KLHDC10: variants seen among roughly 807,000 people sequenced by gnomAD.
KLHDC10 encodes kelch domain-containing protein 10.
Under a neutral mutation model 56.1 loss-of-function variants are expected in KLHDC10, and 24 were observed. The ratio of observed to expected loss-of-function variants is 0.43; its 90% CI spans 0.31 to 0.60. The LOEUF is 0.60. Ranked by LOEUF, KLHDC10 falls within the 20% of genes least tolerant of loss-of-function variation. KLHDC10 has a pLI of 0.11. For synonymous variants in KLHDC10, 188 were observed against 207.1 expected, an observed-to-expected ratio of 0.91 and a Z score of 0.79; for missense variants, 349 against 567.0, an observed-to-expected ratio of 0.62 and a Z score of 3.91.
intron 2 of KLHDC10, among the ~76,000 whole-genome samples, chr7:130,113,520 A>G (rs886205820): frequency 6.6e-6 from 1 of 152,006 alleles, no homozygotes; most frequent in African/African-American, 2.4e-5. Flanking sequence ...TTTAGTAGAG[A>G]CGGGGTTTCA....
chr7:130,089,109 T>C (rs1205242111), intron 1 of KLHDC10, among the ~76,000 whole-genome samples: 1 of 152,008 alleles, frequency 6.6e-6, no homozygotes, highest in South Asian at 2.1e-4. Flanking sequence ...AAAAAACCCA[T>C]GTACAGTAAA....
At chr7:130,074,373 C>T (rs1366691461) in intron 1 of KLHDC10, among the ~76,000 whole-genome samples, 1 of 152,112 alleles carries the variant, frequency 6.6e-6, no homozygotes, top group Admixed American at 6.6e-5. Context: ...TCTCCTTGGG[C>T]ATACTTTACC....
chr7:130,079,364 A>AT (rs918055960), intron 1 of KLHDC10, among the ~76,000 whole-genome samples: 15 of 151,850 alleles, frequency 9.9e-5, no homozygotes, highest in Admixed American at 7.9e-4. Flanking sequence ...GGCCTAAAGT[A>AT]TTTTTTTTAA....
At position 130,118,015 on chromosome 7, in the gene KLHDC10, C is replaced by A. The variant is rs192140663; in HGVS notation, c.475+1349C>A. On this transcript the variant is annotated intron_variant, in intron 3 of 9. Transcript: ENST00000335420. ...CCTGTCTCTACAAAAAACACACACA[C>A]AAAAAAAATTAGCTGGGCATGGTGG... Among the ~76,000 whole-genome samples, 163 of 150,948 alleles carry A rather than the reference C, an allele frequency of 1.1e-3. 2 individuals carry two copies. In the East Asian group the frequency reaches 0.014, roughly 13 times the overall value.
At chr7:130,077,377 A>AC (rs1795524606) in intron 1 of KLHDC10, among the ~76,000 whole-genome samples, 2 of 149,146 alleles carry the variant, frequency 1.3e-5, no homozygotes, top group Non-Finnish European at 1.5e-5. Context: ...AAAAAAAAAA[A>AC]AAAAACAGTA....
chr7:130,128,199 T>C (rs1796339070), intron 8 of KLHDC10, among the ~76,000 whole-genome samples: 1 of 152,258 alleles, frequency 6.6e-6, no homozygotes, highest in Non-Finnish European at 1.5e-5. Context: ...ATGACATTGC[T>C]CACATTTCTC....
At chr7:130,113,751 T>C (rs987168635) in intron 2 of KLHDC10, among the ~76,000 whole-genome samples, 1 of 152,230 alleles carries the variant, frequency 6.6e-6, no homozygotes, top group Admixed American at 6.5e-5. Flanking sequence ...AATAAACTTA[T>C]AACATTACTT....
At chr7:130,090,326 C>CA (rs1264039728) in intron 1 of KLHDC10, among the ~76,000 whole-genome samples, 1 of 151,998 alleles carries the variant, frequency 6.6e-6, no homozygotes, top group Non-Finnish European at 1.5e-5. Context: ...CAGTGGCTCA[C>CA]ACCTGTGATC....
rs1563107674 is a variant in KLHDC10, at chr7:130,128,892, ATATATAT to A, written c.980-544_980-538del. On this transcript the variant is annotated intron_variant, in intron 8 of 9. Coordinates refer to ENST00000335420, the MANE Select transcript of KLHDC10 (RefSeq NM_014997.4). ...TTGTCTCTTAAAAAAAAAAAAAAATATATATATATATATATATATATATATATACATA... is the reference window on the plus strand; with the variant it reads ...TTGTCTCTTAAAAAAAAAAAAAAATAATATATATATATATATATATACATA... Among the ~76,000 whole-genome samples the A allele has an allele frequency of 2.4e-4, 14 of 58,924 alleles. 1 individual carries two copies. The highest frequency in any genetic ancestry group is 4.6e-4 in the East Asian group (1 of 2,158). The allele number at this position is 58,924 out of a possible 152,430, so 38.7% of individuals were successfully genotyped here. A position where few individuals can be genotyped will look rare whatever the true frequency, so the allele number is the denominator to read the frequency against.
intron 3 of KLHDC10, among the ~76,000 whole-genome samples, chr7:130,118,641 CTTCCTCACTAAGCT>C (rs1796204404): frequency 6.6e-6 from 1 of 152,196 alleles, no homozygotes; most frequent in Non-Finnish European, 1.5e-5. Flanking sequence ...TTCCACATGC[CTTCCTCACTAAGCT>C]TAGTCAATTC....
chr7:130,117,053 C>T (rs1244962882), intron 3 of KLHDC10, among the ~76,000 whole-genome samples: 1 of 152,176 alleles, frequency 6.6e-6, no homozygotes, highest in African/African-American at 2.4e-5. Context: ...CAAAATAAAG[C>T]AAGTCACACA....
At chr7:130,099,900 A>G (rs555798922) in intron 2 of KLHDC10, among the ~76,000 whole-genome samples, 9 of 152,314 alleles carry the variant, frequency 5.9e-5, no homozygotes, top group East Asian at 3.9e-4. Context: ...TACACCTGCA[A>G]TCCAGCAGAG....
At chr7:130,128,889 A>AAATATATATATATATATAT in intron 8 of KLHDC10, among the ~76,000 whole-genome samples, 5 of 66,952 alleles carry the variant, frequency 7.5e-5, no homozygotes, top group African/African-American at 2.9e-4. Context: ...AAAAAAAAAA[A>AAATATATATATATATATAT]ATATATATAT....
At chr7:130,077,779 T>A (rs895103979) in intron 1 of KLHDC10, among the ~76,000 whole-genome samples, 1 of 151,764 alleles carries the variant, frequency 6.6e-6, no homozygotes, top group Non-Finnish European at 1.5e-5. Flanking sequence ...ATGGTCTCGA[T>A]CTCCTGACCT....
Position 130,096,997 on chromosome 7 carries a change from G to T in KLHDC10, c.243G>T (p.Arg81Ser). ...QSCPIIRIPN[R>S]FLRGHRPPPA... ...GTCCCATCATAAGGATCCCTAACAG[G>T]TTTTTGAGAGGTGGGTGATAATTAG... Residue 81 changes from arginine (R) to serine (S), a missense_variant, in exon 2 of 10, where the codon AGG becomes AGT. By Grantham distance (110) the Arg-to-Ser change is moderately radical. This residue lies in a region of KLHDC10 where 245 missense variants were observed against 470.1 expected (regional missense o/e 0.52). Coordinates refer to ENST00000335420, the MANE Select transcript of KLHDC10 (RefSeq NM_014997.4). The T allele has an allele frequency of 6.2e-7, 1 of 1,602,500 alleles. No homozygotes were observed. The highest frequency in any genetic ancestry group is 1.1e-5 in the South Asian group (1 of 89,598).
chr7:130,081,773 A>G lies in KLHDC10; in HGVS notation c.166+10964A>G, dbSNP rs866172068. Among the ~76,000 whole-genome samples the G allele has an allele frequency of 2.0e-5, 3 of 152,064 alleles. No individual in the cohort carries two copies. In the South Asian group the frequency reaches 6.2e-4, roughly 31 times the overall value. On this transcript the variant is annotated intron_variant, in intron 1 of 9. Transcript: ENST00000335420. ...GTCATCTATTAATATGTCCCTTACT[A>G]TGTTTTCAGTAGTGTCTGGTACTCC...
At chr7:130,091,785 C>G (rs1157125445) in intron 1 of KLHDC10, among the ~76,000 whole-genome samples, 1 of 152,114 alleles carries the variant, frequency 6.6e-6, no homozygotes, top group Non-Finnish European at 1.5e-5. Context: ...GGTTTCTCTG[C>G]TTACCCTTTT....
intron 8 of KLHDC10, 121 bp downstream of exon 8, chr7:130,127,572 TAAA>T (rs1796330716): frequency 1.4e-6 from 1 of 696,810 alleles, no homozygotes; most frequent in Admixed American, 2.6e-5. Context: ...CTATTTCTTG[TAAA>T]CTTAAAGGGA....
Position 130,070,577 on chromosome 7 carries a change from G to C in KLHDC10, c.-67G>C, listed in dbSNP as rs1012860237. 1.6e-6 allele frequency: 2 copies of C among 1,266,510 alleles called. No individual in the cohort carries two copies. The highest frequency in any genetic ancestry group is 3.0e-5 in the African/African-American group (2 of 65,872). The allele number at this position is 1,266,510 out of a possible 1,614,324, so 78.5% of individuals were successfully genotyped here. A position where few individuals can be genotyped will look rare whatever the true frequency, so the allele number is the denominator to read the frequency against. On this transcript the variant is annotated 5_prime_UTR_variant, in exon 1 of 10. Coordinates refer to ENST00000335420, the MANE Select transcript of KLHDC10 (RefSeq NM_014997.4). Reference sequence around the variant, plus strand: ...CTGGGTCTCTGGAGGAGCCCAGGAAGGAGGCTCCGCTGGTTCCGCTGGGTC... The same window carrying C: ...CTGGGTCTCTGGAGGAGCCCAGGAACGAGGCTCCGCTGGTTCCGCTGGGTC...
Sources: allele counts gnomAD v4.1 joint callset (sites outside exome capture counted in the v4.1 genomes callset), GRCh38; gene constraint gnomAD v4.1.1; regional missense constraint gnomAD v4.1.1; transcripts MANE v1.5; gene names NCBI Gene and HGNC (gene_info 2026-07-23, HGNC 2026-07-21).